The following ADAM9 variants were observed in gnomAD, a reference collection of about 807,000 sequenced individuals.
ADAM9 encodes the protein disintegrin and metalloproteinase domain-containing protein 9.
ADAM9 carries 54 observed loss-of-function variants against 108.1 expected under a neutral mutation model. The observed-to-expected ratio is 0.50, with a 90% confidence interval of 0.40 to 0.63. The LOEUF is 0.63. Ranked by LOEUF, ADAM9 falls within the 20% of genes least tolerant of loss-of-function variation. The pLI is 0.00. For missense variants in ADAM9, 830 were observed against 997.7 expected (o/e 0.83, Z 2.26); for synonymous variants, 316 against 336.0 (o/e 0.94, Z 0.65).
intron 14 of ADAM9, among the ~76,000 whole-genome samples, chr8:39,061,982 T>C (rs1252475687): frequency 6.6e-6 from 1 of 152,170 alleles, no homozygotes; most frequent in Non-Finnish European, 1.5e-5. Flanking sequence ...AAGATCAAAG[T>C]GCCAGTCAAT....
chr8:39,065,638 C>T (rs961505708), intron 14 of ADAM9, among the ~76,000 whole-genome samples: 4 of 111,142 alleles, frequency 3.6e-5, no homozygotes, highest in South Asian at 3.1e-4. Context: ...CGAGTCTGGG[C>T]GACAGTGCGA....
chr8:39,016,309 T>C, intron 5 of ADAM9, 115 bp downstream of exon 5: 1 of 872,290 alleles, frequency 1.1e-6, no homozygotes, highest in Admixed American at 1.8e-5. Flanking sequence ...GAATTTACTT[T>C]GATGTTACTG....
At chr8:39,020,331 A>G (rs113024748) in intron 7 of ADAM9, among the ~76,000 whole-genome samples, 6 of 152,346 alleles carry the variant, frequency 3.9e-5, no homozygotes, top group Non-Finnish European at 8.8e-5. Context: ...ATATACAGAT[A>G]GAAAATGGTT....
chr8:39,026,612 A>G, intron 10 of ADAM9, 65 bp from the exon 11 acceptor site: 1 of 1,608,908 alleles, frequency 6.2e-7, no homozygotes, highest in Non-Finnish European at 8.5e-7. Flanking sequence ...TGAAAAAATA[A>G]TCTGAGCAGC....
intron 11 of ADAM9, among the ~76,000 whole-genome samples, chr8:39,040,856 T>C (rs531883253): frequency 3.7e-4 from 57 of 152,294 alleles, no homozygotes; most frequent in African/African-American, 1.3e-3. Flanking sequence ...GAAAGGATAG[T>C]TCTCTTCAAT....
intron 12 of ADAM9, among the ~76,000 whole-genome samples, chr8:39,047,754 A>G (rs1837819400): frequency 6.6e-6 from 1 of 151,816 alleles, no homozygotes; most frequent in Admixed American, 6.6e-5. Flanking sequence ...CTGATTTTTC[A>G]ATTCTTTTTC....
intron 14 of ADAM9, among the ~76,000 whole-genome samples, chr8:39,065,925 C>T (rs186928350): frequency 6.1e-4 from 93 of 152,170 alleles, no homozygotes; most frequent in African/African-American, 2.2e-3. Context: ...TGACAGGCCC[C>T]GGTGTGTGAT....
In ADAM9 at chr8:39,051,835, T is replaced by C. The variant is rs546074394; in HGVS notation, c.1303-2646T>C. On this transcript the variant is annotated intron_variant, in intron 12 of 21. Transcript: ENST00000487273. ...CAATACAAGGATTTACTATGATTTA[T>C]TTAACCATACTCTCATTAATTACTG... 7.9e-5 allele frequency among the ~76,000 whole-genome samples: 12 copies of C among 152,320 alleles called. No homozygotes were observed. The East Asian group carries it at 2.3e-3, about 29-fold the overall frequency.
At chr8:39,082,546 G>A in intron 16 of ADAM9, 95 bp from the exon 17 acceptor site, 1 of 863,240 alleles carries the variant, frequency 1.2e-6, no homozygotes, top group Non-Finnish European at 1.8e-6. Context: ...AAAGAATTCT[G>A]CAATGAAATA....
intron 16 of ADAM9, among the ~76,000 whole-genome samples, chr8:39,081,375 C>T (rs1488259887): frequency 1.3e-5 from 2 of 152,220 alleles, no homozygotes; most frequent in African/African-American, 4.8e-5. Flanking sequence ...TAAAGTAAAT[C>T]TGCCAGTTAT....
intron 18 of ADAM9, among the ~76,000 whole-genome samples, 162 bp downstream of exon 18, chr8:39,083,235 T>C (rs1028005979): frequency 6.6e-6 from 1 of 152,190 alleles, no homozygotes; most frequent in Non-Finnish European, 1.5e-5. Context: ...CTCATCCCCA[T>C]TTATTACTTT....
At chr8:39,031,862 A>G (rs771119899) in intron 11 of ADAM9, among the ~76,000 whole-genome samples, 3 of 152,096 alleles carry the variant, frequency 2.0e-5, no homozygotes, top group Admixed American at 6.5e-5. Flanking sequence ...GTTGATGTTG[A>G]TGCTATTCCT....
chr8:39,062,165 T>C (rs1838319783), intron 14 of ADAM9, among the ~76,000 whole-genome samples: 1 of 152,102 alleles, frequency 6.6e-6, no homozygotes, highest in Non-Finnish European at 1.5e-5. Context: ...TACACAAACA[T>C]TGAAGGGGTA....
intron 15 of ADAM9, among the ~76,000 whole-genome samples, chr8:39,075,296 C>T (rs184640377): frequency 5.5e-4 from 83 of 152,240 alleles, no homozygotes; most frequent in Non-Finnish European, 9.7e-4. Flanking sequence ...TCACTTAGTG[C>T]TGGGTAGTCT....
chr8:39,007,638 A>G (rs1836206272), intron 1 of ADAM9, among the ~76,000 whole-genome samples: 1 of 152,238 alleles, frequency 6.6e-6, no homozygotes, highest in Non-Finnish European at 1.5e-5. Context: ...ATGTATATTT[A>G]TAATGTTTGG....
At position 39,016,159 on chromosome 8, in the gene ADAM9, T is replaced by G. The variant is rs142011701; in HGVS notation, c.375T>G (p.Asn125Lys). The G allele has an allele frequency of 3.7e-6, 6 of 1,613,816 alleles. No homozygotes were observed. In the African/African-American group the frequency reaches 5.3e-5, roughly 14 times the overall value. Reference sequence around the variant, plus strand: ...GGGGCTATGTGGAGGGAGTTCATAATTCATCCATTGCTCTTAGCGACTGTT... The same window carrying G: ...GGGGCTATGTGGAGGGAGTTCATAAGTCATCCATTGCTCTTAGCGACTGTT... ...HYRGYVEGVH[N>K]SSIALSDCFG... is the part of the protein sequence containing the mutation. The change falls in exon 5 of 22, where the codon AAT (asparagine) becomes AAG (lysine). Residue 125 changes from asparagine (N) to lysine (K), a missense_variant. Physicochemically the swap from Asn to Lys is moderately conservative, Grantham distance 94. This residue lies in a region of ADAM9 where 211 missense variants were observed against 222.2 expected (regional missense o/e 0.95). Transcript: ENST00000487273.
Position 39,103,938 on chromosome 8 carries a change from C to A in ADAM9, c.*238C>A. ...TTTCCGTTTCCATCATTGAATAAGT[C>A]TTATTCAGTCATCGGTGAGGTTAAT... is the stretch of plus-strand genomic sequence containing the variant. On this transcript the variant is annotated 3_prime_UTR_variant, in exon 22 of 22. Transcript: ENST00000487273. 1.5e-6 allele frequency: 1 copy of A among 662,470 alleles called. No homozygotes were observed. The highest frequency in any genetic ancestry group is 2.8e-6 in the Non-Finnish European group (1 of 361,710). 41.0% of individuals were successfully genotyped at this position (662,470 alleles called of 1,614,324 possible).
intron 12 of ADAM9, among the ~76,000 whole-genome samples, chr8:39,043,334 T>G (rs887389206): frequency 7.9e-5 from 12 of 152,208 alleles, no homozygotes; most frequent in Non-Finnish European, 1.5e-5. Flanking sequence ...TTTTTAATTT[T>G]TAAAAGAACC....
intron 14 of ADAM9, 92 bp from the exon 15 acceptor site, chr8:39,071,206 C>T: frequency 1.7e-6 from 2 of 1,156,450 alleles, no homozygotes; most frequent in Non-Finnish European, 2.5e-6. Context: ...GCTGTTCATC[C>T]AGGTGTTTAG....
Sources: allele counts gnomAD v4.1 joint callset (sites outside exome capture counted in the v4.1 genomes callset), GRCh38; gene constraint gnomAD v4.1.1; regional missense constraint gnomAD v4.1.1; transcripts MANE v1.5; gene names NCBI Gene and HGNC (gene_info 2026-07-23, HGNC 2026-07-21).